Variants in CDK19 observed in about 807,000 individuals in gnomAD.
The protein encoded by CDK19 is cyclin-dependent kinase 19.
In CDK19, 20 loss-of-function variants were observed where a neutral mutation model predicts 68.3. The observed-to-expected ratio is 0.29, with a 90% CI of 0.21 to 0.43. CDK19 has a LOEUF of 0.43. Among genes scored for constraint, CDK19 ranks in the 20% least tolerant of loss-of-function variants. The pLI is 1.00. For missense variants in CDK19, 339 were observed against 623.5 expected (o/e 0.54, Z 4.86); for synonymous variants, 221 against 222.8 (o/e 0.99, Z 0.07).
At chr6:110,751,200 T>C (rs944974172) in intron 1 of CDK19, among the ~76,000 whole-genome samples, 1 of 152,158 alleles carries the variant, frequency 6.6e-6, no homozygotes, top group Non-Finnish European at 1.5e-5. Flanking sequence ...CCCTACCAGT[T>C]GGTGGCCTGT....
intron 2 of CDK19, among the ~76,000 whole-genome samples, chr6:110,687,969 A>G (rs1772630974): frequency 1.3e-5 from 2 of 152,120 alleles, no homozygotes; most frequent in African/African-American, 4.8e-5. Flanking sequence ...TATTTTTTGC[A>G]GGGAGGGGTC....
At chr6:110,668,999 T>TG (rs1343313273) in intron 3 of CDK19, among the ~76,000 whole-genome samples, 1 of 152,264 alleles carries the variant, frequency 6.6e-6, no homozygotes, top group East Asian at 1.9e-4. Flanking sequence ...AATATGGTAT[T>TG]GGACAGTACA....
chr6:110,789,076 G>A (rs756770898), intron 1 of CDK19, among the ~76,000 whole-genome samples: 21 of 152,102 alleles, frequency 1.4e-4, no homozygotes, highest in Non-Finnish European at 3.1e-4. Context: ...CATTTTAAGC[G>A]TGTATCTGCA....
intron 4 of CDK19, among the ~76,000 whole-genome samples, chr6:110,648,318 T>G (rs2691172): frequency 0.27 from 40,904 of 151,936 alleles, 6,196 homozygotes; most frequent in East Asian, 0.55. Context: ...TACAGACAAA[T>G]TGTTGGCAAT....
intron 2 of CDK19, among the ~76,000 whole-genome samples, chr6:110,691,348 C>T (rs561427485): frequency 2.0e-5 from 3 of 151,976 alleles, no homozygotes; most frequent in Non-Finnish European, 4.4e-5. Flanking sequence ...GTGGCAGGCA[C>T]TTGTAATTCC....
intron 2 of CDK19, among the ~76,000 whole-genome samples, chr6:110,714,891 G>A (rs142797941): frequency 1.3e-3 from 202 of 151,870 alleles, no homozygotes; most frequent in African/African-American, 4.5e-3. Flanking sequence ...GCGCCACCAC[G>A]CCCGGCTAAT....
At chr6:110,667,643 G>A (rs945313403) in intron 3 of CDK19, 69 bp from the exon 4 acceptor site, 4 of 781,142 alleles carry the variant, frequency 5.1e-6, no homozygotes, top group African/African-American at 3.6e-5. Context: ...CACAATCAAT[G>A]CTGTAACAAA....
intron 1 of CDK19, among the ~76,000 whole-genome samples, chr6:110,747,904 T>G (rs1417720331): frequency 6.6e-6 from 1 of 152,222 alleles, no homozygotes; most frequent in Non-Finnish European, 1.5e-5. Flanking sequence ...TCCTGTGCCT[T>G]AAATGTATTT....
intron 4 of CDK19, among the ~76,000 whole-genome samples, chr6:110,641,469 C>T (rs577583423): frequency 6.6e-6 from 1 of 151,570 alleles, no homozygotes; most frequent in African/African-American, 2.4e-5. Context: ...TGGTGGCAGG[C>T]ACCTGTAGTC....
At chr6:110,680,030 A>G (rs1771879766) in intron 2 of CDK19, among the ~76,000 whole-genome samples, 1 of 152,376 alleles carries the variant, frequency 6.6e-6, no homozygotes, top group East Asian at 1.9e-4. Flanking sequence ...CTACCCTTTC[A>G]TAAGTTATTC....
intron 4 of CDK19, among the ~76,000 whole-genome samples, chr6:110,649,196 G>A: frequency 6.6e-6 from 1 of 151,898 alleles, no homozygotes; most frequent in East Asian, 1.9e-4. Context: ...ATTGATCAGT[G>A]GGATAGAGCA....
At chr6:110,776,241 C>T (rs1338902160) in intron 1 of CDK19, among the ~76,000 whole-genome samples, 17 of 151,852 alleles carry the variant, frequency 1.1e-4, no homozygotes, top group Admixed American at 9.2e-4. Flanking sequence ...GCAGCCTGGC[C>T]AACATGGCAA....
At chr6:110,673,311 C>T (rs1020536348) in intron 2 of CDK19, among the ~76,000 whole-genome samples, 3 of 152,088 alleles carry the variant, frequency 2.0e-5, no homozygotes, top group South Asian at 4.1e-4. Context: ...ACTATTACAT[C>T]GTATGTATAG....
In CDK19 at chr6:110,621,100, G is replaced by A. The variant is rs1183818342; in HGVS notation, c.1377+4C>T. The A allele has an allele frequency of 5.0e-6, 8 of 1,610,074 alleles. No individual in the cohort carries two copies. The Admixed American group carries it at 1.2e-4, about 24-fold the overall frequency. On this transcript the variant is annotated splice_donor_region_variant and intron_variant, in intron 12 of 12. Transcript: ENST00000368911. This position sits in a 1 kb window ranked among gnomAD's most constrained non-coding sequence, Gnocchi z 5.4. Reference sequence around the variant, plus strand: ...CATATGAACATTAGACATTCAGGGAGTACCTGATAATCCGAGGGCATCACA... The same window carrying A: ...CATATGAACATTAGACATTCAGGGAATACCTGATAATCCGAGGGCATCACA...
chr6:110,814,967 C>G, intron 1 of CDK19, 42 bp downstream of exon 1: 7 of 1,596,424 alleles, frequency 4.4e-6, no homozygotes, highest in Middle Eastern at 1.7e-4. Flanking sequence ...GCGGGCAGGG[C>G]GAGGACCCGA....
At chr6:110,641,349 A>G (rs1237201599) in intron 4 of CDK19, among the ~76,000 whole-genome samples, 1 of 152,084 alleles carries the variant, frequency 6.6e-6, no homozygotes, top group African/African-American at 2.4e-5. Flanking sequence ...TAATCCCAGG[A>G]ACTTTGGAAG....
chr6:110,798,628 G>GGAAAA (rs1782117906), intron 1 of CDK19, among the ~76,000 whole-genome samples: 2 of 56,726 alleles, frequency 3.5e-5, no homozygotes, highest in Non-Finnish European at 7.5e-5. Context: ...TCTGTCTCCA[G>GGAAAA]AAAAAAAAAA....
At chr6:110,763,073 T>C (rs1416199812) in intron 1 of CDK19, among the ~76,000 whole-genome samples, 1 of 152,208 alleles carries the variant, frequency 6.6e-6, no homozygotes, top group Non-Finnish European at 1.5e-5. Context: ...TGCAACAATA[T>C]ACTGAGGTAT....
chr6:110,805,849 A>T (rs1782641768), intron 1 of CDK19, among the ~76,000 whole-genome samples: 1 of 152,114 alleles, frequency 6.6e-6, no homozygotes, highest in African/African-American at 2.4e-5. Context: ...CCTATGTAAA[A>T]CTCAGAGACA....
Sources: gnomAD v4.1 joint callset for allele counts (sites outside exome capture counted in the v4.1 genomes callset) on GRCh38, gnomAD v4.1.1 for gene constraint, Gnocchi (gnomAD v3.1) non-coding constraint, MANE v1.5 for transcripts, NCBI Gene and HGNC (gene_info 2026-07-23, HGNC 2026-07-21) for gene names.